Variants in TENM4 observed in about 807,000 individuals in gnomAD.
TENM4 encodes the protein teneurin-4.
Under a neutral mutation model 243.3 loss-of-function variants are expected in TENM4, and 82 were observed. That is an observed-to-expected ratio of 0.34 (90% CI 0.28 to 0.40). The LOEUF (loss-of-function observed/expected upper bound fraction) is 0.40. TENM4 is among the 10% of genes least tolerant of loss of function. The pLI, the probability that TENM4 is intolerant of heterozygous loss-of-function variation, is 1.00. For synonymous variants in TENM4, 1,412 were observed against 1,456.3 expected (o/e 0.97, Z 0.69); for missense variants, 3,138 against 3,673.3 (o/e 0.85, Z 3.77).
At chr11:79,437,437 C>A (rs1288796458) in intron 1 of TENM4, among the ~76,000 whole-genome samples, 5 of 152,156 alleles carry the variant, frequency 3.3e-5, no homozygotes, top group Non-Finnish European at 7.3e-5. Context: ...CGGGACCCTG[C>A]ACTGTGCCGC....
chr11:79,147,558 A>C (rs1023192972), intron 4 of TENM4, among the ~76,000 whole-genome samples: 17 of 152,022 alleles, frequency 1.1e-4, no homozygotes, highest in African/African-American at 3.9e-4. Flanking sequence ...ATCCCTAATG[A>C]GTATGCCCGT....
At chr11:79,302,652 G>C (rs550259338) in intron 1 of TENM4, among the ~76,000 whole-genome samples, 175 of 152,090 alleles carry the variant, frequency 1.2e-3, no homozygotes, top group Non-Finnish European at 1.4e-3. Context: ...GGTCAGAGAG[G>C]CTCAGTACTT....
chr11:79,342,000 C>T (rs1857249792), intron 1 of TENM4, among the ~76,000 whole-genome samples: 2 of 152,218 alleles, frequency 1.3e-5, no homozygotes, highest in South Asian at 4.1e-4. Flanking sequence ...AATGTGCACA[C>T]AGAAGCATTG....
At chr11:79,021,080 C>T (rs1243485320) in intron 6 of TENM4, among the ~76,000 whole-genome samples, 1 of 152,160 alleles carries the variant, frequency 6.6e-6, no homozygotes, top group African/African-American at 2.4e-5. Flanking sequence ...AGACACTCAA[C>T]AAATGTTTGG....
intron 6 of TENM4, among the ~76,000 whole-genome samples, chr11:79,022,006 G>C (rs1858942890): frequency 6.6e-6 from 1 of 152,184 alleles, no homozygotes; most frequent in South Asian, 2.1e-4. Context: ...GCTCAATCGT[G>C]CTGTCTCTAG....
At chr11:78,785,334 CTGT>C (rs2136032957) in intron 16 of TENM4, among the ~76,000 whole-genome samples, 2 of 152,208 alleles carry the variant, frequency 1.3e-5, no homozygotes, top group African/African-American at 4.8e-5. Context: ...TGGAGTGGCT[CTGT>C]TGAGGGTGGA....
intron 6 of TENM4, among the ~76,000 whole-genome samples, chr11:78,949,979 C>T (rs1049069299): frequency 4.0e-5 from 6 of 151,768 alleles, no homozygotes; most frequent in Non-Finnish European, 4.4e-5. Context: ...TCCAGTGTTC[C>T]CCTTTGGTTG....
chr11:78,791,483 C>T (rs115998475), intron 15 of TENM4, among the ~76,000 whole-genome samples: 41 of 152,270 alleles, frequency 2.7e-4, no homozygotes, highest in African/African-American at 8.4e-4. Context: ...ACAGGGATGA[C>T]GTCAACTACT....
At chr11:78,993,254 G>C (rs893767090) in intron 6 of TENM4, among the ~76,000 whole-genome samples, 4 of 152,148 alleles carry the variant, frequency 2.6e-5, no homozygotes, top group Admixed American at 6.5e-5. Context: ...AGGAAGAGGG[G>C]GCATTACTAG....
At chr11:79,066,598 A>T (rs1384026528) in intron 5 of TENM4, among the ~76,000 whole-genome samples, 3 of 151,856 alleles carry the variant, frequency 2.0e-5, no homozygotes, top group Non-Finnish European at 4.4e-5. Context: ...ACACAAGCAC[A>T]CACGCGCGTG....
At position 78,814,284 on chromosome 11, in the gene TENM4, G is replaced by C; in HGVS notation, c.1783+10C>G. On this transcript the variant is annotated intron_variant, in intron 13 of 33. Transcript: ENST00000278550. ...AGCAGAAATCCAGAGCTCCAATGCA[G>C]AGTTCTCACCTCTGCCACAGTCGGG... 1 of 1,549,458 alleles carries C rather than the reference G, an allele frequency of 6.5e-7. No individual in the cohort carries two copies. The highest frequency in any genetic ancestry group is 8.7e-7 in the Non-Finnish European group (1 of 1,145,990).
intron 30 of TENM4, among the ~76,000 whole-genome samples, chr11:78,673,133 A>ATAGC (rs1428446559): frequency 2.0e-5 from 3 of 152,060 alleles, no homozygotes; most frequent in African/African-American, 7.2e-5. Flanking sequence ...CTGGACTGCT[A>ATAGC]GGCCAGCACA....
intron 28 of TENM4, among the ~76,000 whole-genome samples, chr11:78,692,047 A>G (rs1858840143): frequency 6.6e-6 from 1 of 152,264 alleles, no homozygotes; most frequent in African/African-American, 2.4e-5. Context: ...AGCTGCCACA[A>G]CAAAGAGCAG....
At chr11:78,751,433 T>A (rs1218037071) in intron 19 of TENM4, among the ~76,000 whole-genome samples, 1 of 152,120 alleles carries the variant, frequency 6.6e-6, no homozygotes, top group Non-Finnish European at 1.5e-5. Context: ...CAATAACCTA[T>A]TAGAATTAGA....
In TENM4 at chr11:79,384,920, C is replaced by T. The variant is rs539438820; in HGVS notation, c.-321+55589G>A. Among the ~76,000 whole-genome samples, 19 of 33,082 alleles carry T rather than the reference C, an allele frequency of 5.7e-4. No homozygotes were observed. The East Asian group carries it at 7.2e-3, about 12-fold the overall frequency. The allele number at this position is 33,082 out of a possible 152,430, so 21.7% of individuals were successfully genotyped here. A position where few individuals can be genotyped will look rare whatever the true frequency, so the allele number is the denominator to read the frequency against. ...CAGCCTGGGCAACAGAGCAAGACTC[C>T]GTCTCAAAAAATAAAATTAAAATAA... On this transcript the variant is annotated intron_variant, in intron 1 of 33. Transcript: ENST00000278550.
intron 6 of TENM4, among the ~76,000 whole-genome samples, chr11:78,972,556 A>C (rs1173708057): frequency 6.6e-6 from 1 of 152,130 alleles, no homozygotes. Flanking sequence ...TATCAAGAAG[A>C]GAGCCCTTTA....
intron 1 of TENM4, among the ~76,000 whole-genome samples, chr11:79,439,392 A>G (rs1455305457): frequency 6.6e-6 from 1 of 152,060 alleles, no homozygotes; most frequent in Non-Finnish European, 1.5e-5. Flanking sequence ...CTCTGCACCC[A>G]ACTGAGCAGT....
chr11:78,799,186 G>A (rs1259833585), intron 15 of TENM4, among the ~76,000 whole-genome samples: 1 of 152,110 alleles, frequency 6.6e-6, no homozygotes. Flanking sequence ...TTGTGCTGTG[G>A]GCCACTGACC....
chr11:79,093,556 G>C (rs930938760), intron 4 of TENM4: 1 of 152,368 alleles, frequency 6.6e-6, no homozygotes, highest in African/African-American at 2.4e-5. Context: ...CAAAGTGGGA[G>C]GAGATGCTGA....
Sources: allele counts gnomAD v4.1 joint callset (sites outside exome capture counted in the v4.1 genomes callset), GRCh38; gene constraint gnomAD v4.1.1; transcripts MANE v1.5; gene names NCBI Gene and HGNC (gene_info 2026-07-23, HGNC 2026-07-21).